Variants in ATP2B4 observed in about 807,000 individuals in gnomAD.
ATP2B4 encodes the protein ATPase plasma membrane Ca2+ transporting 4.
In ATP2B4, 39 loss-of-function variants were observed where a neutral mutation model predicts 110.3. The observed-to-expected ratio is 0.35, with a 90% CI of 0.27 to 0.46. ATP2B4 has a LOEUF of 0.46. Among genes scored for constraint, ATP2B4 ranks in the 20% least tolerant of loss-of-function variants. ATP2B4 has a pLI of 1.00. For synonymous variants in ATP2B4, 538 were observed against 571.7 expected (o/e 0.94, Z 0.84); for missense variants, 1,135 against 1,530.9 (o/e 0.74, Z 4.32).
intron 5 of ATP2B4, 81 bp from the exon 6 acceptor site, chr1:203,700,717 C>A (rs1665665436): frequency 6.4e-7 from 1 of 1,564,542 alleles, no homozygotes; most frequent in East Asian, 2.3e-5. Context: ...AGTATTTTTT[C>A]TTCTAAGTTT....
At chr1:203,731,884 A>C in intron 20 of ATP2B4, among the ~76,000 whole-genome samples, 1 of 141,912 alleles carries the variant, frequency 7.0e-6, no homozygotes, top group South Asian at 2.3e-4. Context: ...AGGAGGGAGG[A>C]AGGAAGGAAG....
Position 203,727,493 on chromosome 1 carries a change from T to C in ATP2B4, c.3231T>C (p.Asp1077=). 1.3e-6 allele frequency: 2 copies of C among 1,589,080 alleles called. No homozygotes were observed. The highest frequency in any genetic ancestry group is 1.7e-6 in the Non-Finnish European group (2 of 1,158,976). The change falls in exon 20 of 21, where the codon GAT becomes GAC. Residue 1077 remains aspartate, a synonymous_variant. Transcript: ENST00000357681. The stretch of plus-strand genomic sequence containing the variant: ...TCACCAAGGATGCCGAGGGACTGGA[T>C]GAGATTGACCATGCTGAGATGGAGC... The part of the protein sequence containing the change: ...EEITKDAEGL[D]EIDHAEMELR...
chr1:203,674,310 C>T (rs1318978058), intron 1 of ATP2B4, among the ~76,000 whole-genome samples: 2 of 152,140 alleles, frequency 1.3e-5, no homozygotes, highest in African/African-American at 4.8e-5. Context: ...GTTTCATCCT[C>T]TACATTTTTT....
intron 1 of ATP2B4, among the ~76,000 whole-genome samples, chr1:203,668,515 A>G (rs1039153723): frequency 1.3e-5 from 2 of 152,162 alleles, no homozygotes; most frequent in African/African-American, 4.8e-5. Context: ...CCTCAGTGTT[A>G]ACTGTTTATC....
chr1:203,638,116 T>C (rs1663513825), intron 1 of ATP2B4, among the ~76,000 whole-genome samples: 1 of 151,076 alleles, frequency 6.6e-6, no homozygotes, highest in Admixed American at 6.6e-5. Flanking sequence ...ACAGATTTGA[T>C]GGAGGAGGGG....
In ATP2B4 at chr1:203,723,455, T is replaced by TCC. The variant is rs1351906355; in HGVS notation, c.3025-425_3025-424insCC. ...CTCTCTCTCTCTCTCTCTCTCTCTC[T>TCC]CTCTCCCTCTGCCTCTCTCTCTCTC... On this transcript the variant is annotated intron_variant, in intron 18 of 20. Coordinates refer to ENST00000357681, the MANE Select transcript of ATP2B4 (RefSeq NM_001684.5). Among the ~76,000 whole-genome samples the TCC allele has an allele frequency of 5.3e-3, 720 of 135,196 alleles. 10 individuals are homozygous for TCC. Among genetic ancestry groups the TCC allele is most frequent in the Non-Finnish European group, 8.1e-3 (524 of 64,582 alleles). 88.7% of individuals were successfully genotyped at this position (135,196 alleles called of 152,430 possible). A position where few individuals can be genotyped will look rare whatever the true frequency, so the allele number is the denominator to read the frequency against.
At chr1:203,733,394 A>G (rs200310639) in intron 20 of ATP2B4, 3 of 1,613,072 alleles carry the variant, frequency 1.9e-6, no homozygotes, top group African/African-American at 2.7e-5. Context: ...ATCTCCTCCT[A>G]TGGGCAGTGA....
chr1:203,690,599 C>T (rs1441184145), intron 2 of ATP2B4, among the ~76,000 whole-genome samples: 1 of 152,100 alleles, frequency 6.6e-6, no homozygotes, highest in Non-Finnish European at 1.5e-5. Context: ...ATCTTTAGAG[C>T]TTATAGTCTG....
chr1:203,692,127 G>A (rs541264842), intron 2 of ATP2B4, among the ~76,000 whole-genome samples: 41 of 151,806 alleles, frequency 2.7e-4, no homozygotes, highest in African/African-American at 9.2e-4. Context: ...TGATCCGCCC[G>A]CCTCGGCCTC....
rs144760902 is a variant in ATP2B4, at chr1:203,703,164, CGAGAGAGAGAGA to C, written c.938-465_938-454del. Reference sequence around the variant, plus strand: ...GGGTATGTGTTTCTTCCCTGACAATCGAGAGAGAGAGAGAGAGAGAGAGAGAGAGAGAGATAA... The same window carrying C: ...GGGTATGTGTTTCTTCCCTGACAATCGAGAGAGAGAGAGAGAGAGAGATAA... On this transcript the variant is annotated intron_variant, in intron 7 of 20. Coordinates refer to ENST00000357681, the MANE Select transcript of ATP2B4 (RefSeq NM_001684.5). Among the ~76,000 whole-genome samples the C allele has an allele frequency of 8.4e-3, 1,227 of 145,240 alleles. 28 individuals carry two copies. In the East Asian group the frequency reaches 0.087, roughly 10 times the overall value.
At chr1:203,630,921 C>T (rs929667940) in intron 1 of ATP2B4, among the ~76,000 whole-genome samples, 1 of 152,196 alleles carries the variant, frequency 6.6e-6, no homozygotes, top group African/African-American at 2.4e-5. Context: ...AATGTTTTGC[C>T]CTTGGCTTCC....
intron 3 of ATP2B4, 98 bp downstream of exon 3, chr1:203,698,452 A>G (rs1019194197): frequency 8.3e-6 from 11 of 1,318,060 alleles, no homozygotes; most frequent in Non-Finnish European, 1.1e-5. Context: ...TATAGCTTAA[A>G]ACATTTCCCC....
At chr1:203,726,465 T>G (rs1571770374) in intron 19 of ATP2B4, among the ~76,000 whole-genome samples, 1 of 152,106 alleles carries the variant, frequency 6.6e-6, no homozygotes, top group East Asian at 1.9e-4. Flanking sequence ...AAAGCAGTTT[T>G]ATGCTTTGGT....
intron 6 of ATP2B4, among the ~76,000 whole-genome samples, chr1:203,701,188 A>G (rs1375864475): frequency 1.3e-5 from 2 of 152,166 alleles, no homozygotes; most frequent in Admixed American, 1.3e-4. Flanking sequence ...TAAAGGGATG[A>G]GTTATAAAGC....
chr1:203,630,980 G>A (rs1663250580), intron 1 of ATP2B4, among the ~76,000 whole-genome samples: 1 of 152,210 alleles, frequency 6.6e-6, no homozygotes, highest in African/African-American at 2.4e-5. Context: ...CCTTGTGTGA[G>A]CCATTCTTGT....
chr1:203,647,234 G>A (rs1371614729), intron 1 of ATP2B4, among the ~76,000 whole-genome samples: 1 of 152,032 alleles, frequency 6.6e-6, no homozygotes, highest in Non-Finnish European at 1.5e-5. Flanking sequence ...TTTAAGACCA[G>A]TCTGGGCAAC....
intron 1 of ATP2B4, among the ~76,000 whole-genome samples, chr1:203,653,419 C>A (rs554536252): frequency 6.6e-6 from 1 of 152,174 alleles, no homozygotes; most frequent in African/African-American, 2.4e-5. Flanking sequence ...TAATTGGTGA[C>A]AGTGGCTATG....
At position 203,683,413 on chromosome 1, in the gene ATP2B4, AG is replaced by A; in HGVS notation, c.193+19del. 1 of 1,573,880 alleles carries A rather than the reference AG, an allele frequency of 6.4e-7. No individual in the cohort carries two copies. The highest frequency in any genetic ancestry group is 8.7e-7 in the Non-Finnish European group (1 of 1,155,972). On this transcript the variant is annotated intron_variant, in intron 2 of 20. Coordinates refer to ENST00000357681, the MANE Select transcript of ATP2B4 (RefSeq NM_001684.5). ...CCCTGTGGAAGGTAAAGGCCATATC[AG>A]GGGTGGGGAGTTGGAGGAAGGTGGC...
chr1:203,685,180 TAA>T (rs1665143521), intron 2 of ATP2B4, among the ~76,000 whole-genome samples: 1 of 152,200 alleles, frequency 6.6e-6, no homozygotes, highest in African/African-American at 2.4e-5. Context: ...TAAAAAAACT[TAA>T]AAGATAATGA....
Sources: allele counts gnomAD v4.1 joint callset (sites outside exome capture counted in the v4.1 genomes callset), GRCh38; gene constraint gnomAD v4.1.1; transcripts MANE v1.5; gene names NCBI Gene and HGNC (gene_info 2026-07-23, HGNC 2026-07-21).